Variants in KAZN observed in about 807,000 individuals in gnomAD.
KAZN encodes the protein kazrin.
A neutral mutation model predicts 87.4 loss-of-function variants in KAZN; 40 were observed. That is an observed-to-expected ratio of 0.46 (90% CI 0.36 to 0.60). The LOEUF (loss-of-function observed/expected upper bound fraction) is 0.60, where lower values mean the gene tolerates loss of function less well. KAZN is among the 20% of genes least tolerant of loss of function. The probability of loss-of-function intolerance (pLI) is 0.00; values close to 1 mark genes in which losing one functional copy is unlikely to be tolerated. For missense variants in KAZN, 898 were observed against 1,073.9 expected, an observed-to-expected ratio of 0.84 and a Z score of 2.29; for synonymous variants, 466 against 458.3, an observed-to-expected ratio of 1.02 and a Z score of -0.22.
At chr1:14,338,302 C>G in intron 2 of KAZN, among the ~76,000 whole-genome samples, 1 of 131,786 alleles carries the variant, frequency 7.6e-6, no homozygotes, top group East Asian at 2.2e-4. Context: ...GGCGAAACCC[C>G]ATCTCCACTA....
intron 1 of KAZN, among the ~76,000 whole-genome samples, chr1:14,928,459 C>CAA (rs34982134): frequency 4.6e-4 from 66 of 143,998 alleles, no homozygotes; most frequent in African/African-American, 1.7e-3. Flanking sequence ...AAAAAAAAAA[C>CAA]AAAAAAAAAG....
At chr1:14,706,370 C>T (rs112984253) in intron 1 of KAZN, among the ~76,000 whole-genome samples, 13 of 152,042 alleles carry the variant, frequency 8.6e-5, no homozygotes, top group African/African-American at 3.1e-4. Context: ...TCCATGAAAC[C>T]AGTTCCTGGT....
chr1:14,869,998 G>T (rs1280751973), intron 1 of KAZN, among the ~76,000 whole-genome samples: 1 of 152,148 alleles, frequency 6.6e-6, no homozygotes, highest in African/African-American at 2.4e-5. Context: ...TGACAGAGAG[G>T]TAAGAAAAAT....
chr1:14,654,216 G>A (rs942599189), intron 1 of KAZN, among the ~76,000 whole-genome samples: 7 of 151,318 alleles, frequency 4.6e-5, no homozygotes, highest in East Asian at 3.9e-4. Context: ...GAATCCAGGC[G>A]GTGGAGGTTG....
Position 14,300,619 on chromosome 1 carries a change from C to T in KAZN, c.249+120027C>T, listed in dbSNP as rs188573797. ...TGCACAGAGGAAAATCAATCAAAAG[C>T]GTGCAAAAATGGAAACAGACAGGTT... On this transcript the variant is annotated intron_variant, in intron 2 of 16. Transcript: ENST00000636203. Among the ~76,000 whole-genome samples, 253 of 152,218 alleles carry T rather than the reference C, an allele frequency of 1.7e-3. 1 individual carries two copies. The highest frequency in any genetic ancestry group is 5.5e-3 in the African/African-American group (229 of 41,542).
rs369812221 is a variant in KAZN, at chr1:14,808,461, T to C, written c.227-152223T>C. On this transcript the variant is annotated intron_variant, in intron 1 of 14. Coordinates refer to ENST00000376030, the MANE Select transcript of KAZN (RefSeq NM_201628.3). ...ACAGGCAAGTGCCACCACGGTCGGCTAATTTTTTTTTTTTTTAGTAGAGAC... is the reference window on the plus strand; with the variant it reads ...ACAGGCAAGTGCCACCACGGTCGGCCAATTTTTTTTTTTTTTAGTAGAGAC... 3.1e-4 allele frequency among the ~76,000 whole-genome samples: 46 copies of C among 150,512 alleles called. No homozygotes were observed. The East Asian group carries it at 7.2e-3, about 24-fold the overall frequency.
At chr1:14,485,318 C>T (rs1669291310) in intron 2 of KAZN, among the ~76,000 whole-genome samples, 1 of 152,184 alleles carries the variant, frequency 6.6e-6, no homozygotes, top group Admixed American at 6.5e-5. Flanking sequence ...ATTTCTAGTG[C>T]CACCCACTTT....
At chr1:14,529,849 T>A (rs1157483283) in intron 2 of KAZN, among the ~76,000 whole-genome samples, 1 of 152,164 alleles carries the variant, frequency 6.6e-6, no homozygotes, top group Admixed American at 6.5e-5. Flanking sequence ...AGGTTAAATA[T>A]GATCACAGAA....
chr1:14,139,452 T>A (rs1324414180), intron 1 of KAZN, among the ~76,000 whole-genome samples: 1 of 152,236 alleles, frequency 6.6e-6, no homozygotes, highest in Non-Finnish European at 1.5e-5. Context: ...CTTCCAAGTC[T>A]AGCTCAGACA....
At chr1:14,523,688 C>A (rs1361681052) in intron 2 of KAZN, among the ~76,000 whole-genome samples, 2 of 152,190 alleles carry the variant, frequency 1.3e-5, no homozygotes, top group Admixed American at 1.3e-4. Flanking sequence ...TCCCTTACTT[C>A]CTCTTCAGTG....
chr1:14,507,316 T>C (rs1161520236), intron 2 of KAZN, among the ~76,000 whole-genome samples: 1 of 152,176 alleles, frequency 6.6e-6, no homozygotes, highest in East Asian at 1.9e-4. Context: ...CTCATTTCAG[T>C]AGAATGGGGG....
At chr1:13,979,792 G>C (rs561757604) in intron 1 of KAZN, among the ~76,000 whole-genome samples, 15 of 152,090 alleles carry the variant, frequency 9.9e-5, no homozygotes, top group African/African-American at 3.6e-4. Flanking sequence ...TTAACCAGGC[G>C]TAGTGGCAGG....
intron 1 of KAZN, among the ~76,000 whole-genome samples, chr1:13,932,913 A>C (rs766064017): frequency 3.9e-5 from 6 of 152,234 alleles, no homozygotes; most frequent in Non-Finnish European, 7.3e-5. Context: ...AAATGCAGAT[A>C]CTTTTTCTAA....
At chr1:15,038,920 T>C (rs1195614734) in intron 3 of KAZN, among the ~76,000 whole-genome samples, 1 of 151,272 alleles carries the variant, frequency 6.6e-6, no homozygotes, top group East Asian at 1.9e-4. Flanking sequence ...CAGATGTTTA[T>C]TGTGCACCTA....
chr1:14,903,800 T>A (rs754555856), intron 1 of KAZN, among the ~76,000 whole-genome samples: 1 of 152,240 alleles, frequency 6.6e-6, no homozygotes, highest in Non-Finnish European at 1.5e-5. Flanking sequence ...GTAGGTTACA[T>A]GTATTGAATG....
At chr1:13,946,979 G>A (rs34482534) in intron 1 of KAZN, among the ~76,000 whole-genome samples, 21,112 of 152,084 alleles carry the variant, frequency 0.14, 1,561 homozygotes, top group Middle Eastern at 0.22. Context: ...GGCTTGGGGG[G>A]AGAATCCGTT....
intron 2 of KAZN, among the ~76,000 whole-genome samples, chr1:14,317,409 GT>G (rs1422078004): frequency 1.3e-5 from 2 of 151,688 alleles, no homozygotes; most frequent in Admixed American, 6.6e-5. Context: ...ATCTATTTGT[GT>G]TTTCATATCT....
At chr1:15,024,813 C>A (rs1039743865) in intron 2 of KAZN, among the ~76,000 whole-genome samples, 2 of 152,192 alleles carry the variant, frequency 1.3e-5, no homozygotes, top group South Asian at 4.1e-4. Flanking sequence ...TCATTCCTGG[C>A]TGGGATGTGG....
At chr1:14,702,600 T>C (rs1345808215) in intron 1 of KAZN, among the ~76,000 whole-genome samples, 2 of 152,144 alleles carry the variant, frequency 1.3e-5, no homozygotes, top group African/African-American at 4.8e-5. Flanking sequence ...ACGTGGTATG[T>C]ATCGTGGGTG....
Sources: gnomAD v4.1 joint callset for allele counts (sites outside exome capture counted in the v4.1 genomes callset) on GRCh38, gnomAD v4.1.1 for gene constraint, MANE v1.5 for transcripts, NCBI Gene and HGNC (gene_info 2026-07-23, HGNC 2026-07-21) for gene names.